The following PXDNL variants were observed in gnomAD, a reference collection of about 807,000 sequenced individuals.
PXDNL encodes the protein probable oxidoreductase PXDNL.
Under a neutral mutation model 150.8 loss-of-function variants are expected in PXDNL, and 145 were observed. That is an observed-to-expected ratio of 0.96 (90% CI 0.84 to 1.10). The LOEUF is 1.10. PXDNL is among the 50% of genes least tolerant of loss of function. The pLI, the probability that PXDNL is intolerant of heterozygous loss-of-function variation, is 0.00. For missense variants in PXDNL, 2,087 were observed against 1,873.9 expected (o/e 1.11, Z -2.10); for synonymous variants, 757 against 725.7 (o/e 1.04, Z -0.69).
chr8:51,396,660 G>C (rs946600988), intron 17 of PXDNL, among the ~76,000 whole-genome samples: 3 of 152,150 alleles, frequency 2.0e-5, no homozygotes, highest in African/African-American at 7.2e-5. Flanking sequence ...GGGAGGCTGA[G>C]GGCAGGAGAA....
intron 2 of PXDNL, among the ~76,000 whole-genome samples, chr8:51,608,002 G>GAAGAAAGAAAGAAAGAAAGA (rs71237219): frequency 2.8e-4 from 18 of 64,662 alleles, no homozygotes; most frequent in Non-Finnish European, 3.7e-4. Context: ...AGGAAGGAAG[G>GAAGAAAGAAAGAAAGAAAGA]AAGAAAGAAA....
intron 21 of PXDNL, among the ~76,000 whole-genome samples, chr8:51,322,397 C>T (rs1031538093): frequency 9.9e-5 from 15 of 151,898 alleles, no homozygotes; most frequent in African/African-American, 3.6e-4. Context: ...GTACATTTCT[C>T]TCCCCTCCTT....
chr8:51,472,083 A>G, intron 8 of PXDNL, 104 bp downstream of exon 8: 1 of 698,632 alleles, frequency 1.4e-6, no homozygotes, highest in Non-Finnish European at 2.4e-6. Flanking sequence ...AGAAACTCTG[A>G]AAATTTTAGT....
chr8:51,763,953 T>C (rs2037196783), intron 1 of PXDNL, among the ~76,000 whole-genome samples: 1 of 152,224 alleles, frequency 6.6e-6, no homozygotes, highest in African/African-American at 2.4e-5. Flanking sequence ...GATATAGCTA[T>C]GAGAATTTTT....
intron 1 of PXDNL, among the ~76,000 whole-genome samples, chr8:51,710,279 G>T (rs945602786): frequency 6.6e-6 from 1 of 152,126 alleles, no homozygotes; most frequent in Non-Finnish European, 1.5e-5. Flanking sequence ...AAGTGAACAT[G>T]AAATTGTCTC....
At chr8:51,616,950 T>G (rs1464375585) in intron 2 of PXDNL, among the ~76,000 whole-genome samples, 2 of 152,218 alleles carry the variant, frequency 1.3e-5, no homozygotes, top group Non-Finnish European at 2.9e-5. Context: ...TTATTTTAAT[T>G]GTTTTTTATT....
intron 2 of PXDNL, among the ~76,000 whole-genome samples, chr8:51,615,613 A>G (rs909553979): frequency 6.6e-6 from 1 of 152,184 alleles, no homozygotes. Context: ...AGAAACAAGA[A>G]TTTAGTTTGA....
At position 51,345,898 on chromosome 8, in the gene PXDNL, C is replaced by G; in HGVS notation, c.3951G>C (p.Lys1317Asn). 1 of 1,613,870 alleles carries G rather than the reference C, an allele frequency of 6.2e-7. No homozygotes were observed. Among genetic ancestry groups the G allele is most frequent in the Non-Finnish European group, 8.5e-7 (1 of 1,179,772 alleles). Residue 1317 changes from lysine (K) to asparagine (N), a missense_variant, in exon 20 of 23, where the codon AAG becomes AAC. Transcript: ENST00000356297. Reference sequence around the variant, plus strand: ...GATAGCTGTATTGAGCTGAGCGTTTCTTTTGAGACTCTTGCGTCACTGCTC... The same window carrying G: ...GATAGCTGTATTGAGCTGAGCGTTTGTTTTGAGACTCTTGCGTCACTGCTC... Reference protein sequence around the residue: ...QFRAVTQESQKKRSAQYSYPV... With the variant: ...QFRAVTQESQNKRSAQYSYPV...
chr8:51,670,388 C>T (rs1041541621), intron 1 of PXDNL, among the ~76,000 whole-genome samples: 1 of 152,164 alleles, frequency 6.6e-6, no homozygotes, highest in African/African-American at 2.4e-5. Context: ...AGTGCATTTA[C>T]ACAAACCTAC....
chr8:51,319,987 G>A lies in PXDNL; in HGVS notation c.4296C>T (p.Pro1432=), dbSNP rs769165791. The part of the protein sequence containing the change: ...GQVTCVVEIC[P]PAPCPSPELV... ...ATTCAGGACTGGGACAGGGAGCCGG[G>A]GGACAAATCTCCACCACACAGGTGA... The change falls in exon 23 of 23, where the codon CCC becomes CCT. Residue 1432 remains proline, a synonymous_variant. Transcript: ENST00000356297. 1 of 1,569,470 alleles carries A rather than the reference G, an allele frequency of 6.4e-7. No homozygotes were observed. The highest frequency in any genetic ancestry group is 1.4e-5 in the African/African-American group (1 of 73,156).
In PXDNL at chr8:51,796,324, GAC is replaced by G. The variant is rs1481959230; in HGVS notation, c.164+12855_164+12856del. ...CAGAGTGGAAATGAAAGGAGATAGA[GAC>G]ACACACAACAACAACAACCAAAAAA... On this transcript the variant is annotated intron_variant, in intron 1 of 22. Coordinates refer to ENST00000356297, the MANE Select transcript of PXDNL (RefSeq NM_144651.5). Among the ~76,000 whole-genome samples, 4 of 138,258 alleles carry G rather than the reference GAC, an allele frequency of 2.9e-5. No homozygotes were observed. In the South Asian group the frequency reaches 6.7e-4, roughly 23 times the overall value. The allele number at this position is 138,258 out of a possible 152,430, so 90.7% of individuals were successfully genotyped here.
In PXDNL at chr8:51,514,743, G is replaced by A. The variant is rs1052425167; in HGVS notation, c.381-14973C>T. 3.9e-5 allele frequency among the ~76,000 whole-genome samples: 6 copies of A among 152,156 alleles called. No homozygotes were observed. In the East Asian group the frequency reaches 5.8e-4, roughly 15 times the overall value. ...AAAGTCCAAGCAACTGAGCAAGACC[G>A]TCTGGGGCTTGATGGAAATCCCAGA... On this transcript the variant is annotated intron_variant, in intron 4 of 22. Transcript: ENST00000356297.
chr8:51,483,622 A>G, intron 6 of PXDNL, 21 bp downstream of exon 6: 1 of 1,419,270 alleles, frequency 7.0e-7, no homozygotes, highest in Non-Finnish European at 9.7e-7. Context: ...TTTTTGTGTT[A>G]ATGCACTTGC....
At chr8:51,504,256 T>C (rs1160914891) in intron 4 of PXDNL, among the ~76,000 whole-genome samples, 1 of 152,188 alleles carries the variant, frequency 6.6e-6, no homozygotes, top group Admixed American at 6.5e-5. Flanking sequence ...ATAAGACCCT[T>C]AAATGGCTTT....
intron 5 of PXDNL, among the ~76,000 whole-genome samples, chr8:51,495,260 C>A (rs1180539780): frequency 2.0e-5 from 3 of 152,144 alleles, no homozygotes; most frequent in Non-Finnish European, 4.4e-5. Context: ...ATACCAGAAT[C>A]TCTGGGACAC....
intron 14 of PXDNL, among the ~76,000 whole-genome samples, chr8:51,422,520 C>G (rs768927015): frequency 6.6e-6 from 1 of 152,098 alleles, no homozygotes; most frequent in East Asian, 1.9e-4. Context: ...TTTAGTGAGG[C>G]CTGTGTTATG....
chr8:51,718,457 T>C (rs1816660976), intron 1 of PXDNL, among the ~76,000 whole-genome samples: 1 of 152,242 alleles, frequency 6.6e-6, no homozygotes, highest in Non-Finnish European at 1.5e-5. Flanking sequence ...CTTTCCAGCA[T>C]TCATCTTTTT....
At chr8:51,608,856 A>AG (rs1813936434) in intron 2 of PXDNL, among the ~76,000 whole-genome samples, 1 of 151,208 alleles carries the variant, frequency 6.6e-6, no homozygotes, top group African/African-American at 2.4e-5. Flanking sequence ...AAAAAAAAAA[A>AG]AAAGAAAGTA....
chr8:51,653,486 C>A (rs149054265), intron 2 of PXDNL, among the ~76,000 whole-genome samples: 1 of 152,070 alleles, frequency 6.6e-6, no homozygotes, highest in Admixed American at 6.5e-5. Context: ...AATTAGGATC[C>A]CTGGGGAAGA....
Sources: gnomAD v4.1 joint callset for allele counts (sites outside exome capture counted in the v4.1 genomes callset) on GRCh38, gnomAD v4.1.1 for gene constraint, MANE v1.5 for transcripts, NCBI Gene and HGNC (gene_info 2026-07-23, HGNC 2026-07-21) for gene names.